CTNNA2: variants seen among roughly 807,000 people sequenced by gnomAD.
CTNNA2 encodes the protein catenin alpha-2.
A neutral mutation model predicts 101.0 loss-of-function variants in CTNNA2; 42 were observed. The observed-to-expected ratio is 0.42, with a 90% CI of 0.32 to 0.54. The LOEUF (loss-of-function observed/expected upper bound fraction) is 0.54, where lower values mean the gene tolerates loss of function less well. Ranked by LOEUF, CTNNA2 falls within the 20% of genes least tolerant of loss-of-function variation. CTNNA2 has a pLI of 0.14. For synonymous variants in CTNNA2, 450 were observed against 456.4 expected (o/e 0.99, Z 0.18); for missense variants, 871 against 1,223.1 (o/e 0.71, Z 4.29).
At chr2:79,450,930 A>G (rs747314386) in intron 4 of CTNNA2, among the ~76,000 whole-genome samples, 16 of 152,142 alleles carry the variant, frequency 1.1e-4, no homozygotes, top group Non-Finnish European at 1.6e-4. Context: ...GTCAAGAACC[A>G]GTTCTGAACA....
intron 4 of CTNNA2, among the ~76,000 whole-genome samples, chr2:79,450,770 A>C (rs565468490): frequency 1.1e-4 from 16 of 152,214 alleles, no homozygotes; most frequent in African/African-American, 3.9e-4. Flanking sequence ...CCAAATATCT[A>C]AAGACCAAAA....
chr2:80,209,255 G>T (rs1378790383), intron 7 of CTNNA2, among the ~76,000 whole-genome samples: 1 of 147,636 alleles, frequency 6.8e-6, no homozygotes, highest in Non-Finnish European at 1.5e-5. Context: ...AGGCTGAACT[G>T]CAGCGGCACG....
chr2:80,371,800 G>A (rs967551176), intron 7 of CTNNA2, among the ~76,000 whole-genome samples: 2 of 152,114 alleles, frequency 1.3e-5, no homozygotes, highest in Admixed American at 6.6e-5. Flanking sequence ...AATTGCCCAG[G>A]ACCTTCTTGG....
intron 1 of CTNNA2, among the ~76,000 whole-genome samples, chr2:79,624,458 G>A (rs1381306863): frequency 2.0e-5 from 3 of 152,130 alleles, no homozygotes; most frequent in Non-Finnish European, 2.9e-5. Flanking sequence ...GTTGATGACA[G>A]AAGCCTGGAG....
chr2:80,007,640 T>C (rs1693465994), intron 7 of CTNNA2, among the ~76,000 whole-genome samples: 1 of 152,212 alleles, frequency 6.6e-6, no homozygotes, highest in Non-Finnish European at 1.5e-5. Context: ...AGCAACCTTC[T>C]CTTTCTATTA....
intron 7 of CTNNA2, among the ~76,000 whole-genome samples, chr2:80,105,478 C>G (rs760054934): frequency 3.3e-5 from 5 of 152,170 alleles, no homozygotes; most frequent in African/African-American, 4.8e-5. Context: ...AATCTCAACA[C>G]TTTGAGAGGC....
intron 7 of CTNNA2, among the ~76,000 whole-genome samples, chr2:79,934,665 G>A (rs1687661041): frequency 6.6e-6 from 1 of 152,178 alleles, no homozygotes; most frequent in African/African-American, 2.4e-5. Flanking sequence ...TGAAAGCTGT[G>A]TCCTTGCTCT....
intron 3 of CTNNA2, among the ~76,000 whole-genome samples, chr2:79,362,250 C>A (rs1333768329): frequency 1.3e-5 from 2 of 152,140 alleles, no homozygotes; most frequent in African/African-American, 4.8e-5. Flanking sequence ...TCCAAATGCA[C>A]TCACAAATAT....
At chr2:79,273,858 G>A (rs572401870) in intron 2 of CTNNA2, among the ~76,000 whole-genome samples, 44 of 151,212 alleles carry the variant, frequency 2.9e-4, no homozygotes, top group African/African-American at 9.7e-4. Flanking sequence ...AGGGCTGACC[G>A]CCCCAGATCT....
At chr2:80,290,888 C>T (rs1009884261) in intron 7 of CTNNA2, among the ~76,000 whole-genome samples, 1 of 152,038 alleles carries the variant, frequency 6.6e-6, no homozygotes, top group African/African-American at 2.4e-5. Flanking sequence ...TAAAACAAGC[C>T]AGCAATGACG....
In CTNNA2 at chr2:80,303,009, T is replaced by G. The variant is rs1676507073; in HGVS notation, c.1057-90202T>G. 1 of 1,613,502 alleles carries G rather than the reference T, an allele frequency of 6.2e-7. No homozygotes were observed. The highest frequency in any genetic ancestry group is 1.7e-5 in the Admixed American group (1 of 59,942). On this transcript the variant is annotated intron_variant, in intron 7 of 18. Coordinates refer to ENST00000402739, the MANE Select transcript of CTNNA2 (RefSeq NM_001282597.3). The surrounding 1 kb of genome is among the most constrained non-coding windows in gnomAD (Gnocchi z 7.7). ...ACGGTCTCGAACACATGGGGCTCCATGTACTCGATCTCGTTGCCCGACAAG... is the reference window on the plus strand; with the variant it reads ...ACGGTCTCGAACACATGGGGCTCCAGGTACTCGATCTCGTTGCCCGACAAG...
chr2:80,552,431 C>G (rs180785258), intron 11 of CTNNA2, among the ~76,000 whole-genome samples: 3 of 152,120 alleles, frequency 2.0e-5, no homozygotes, highest in African/African-American at 7.2e-5. Context: ...CATTCTGAAC[C>G]GTAGTAGCTT....
chr2:80,552,330 G>A (rs917918458), intron 11 of CTNNA2, among the ~76,000 whole-genome samples: 27 of 151,644 alleles, frequency 1.8e-4, no homozygotes, highest in African/African-American at 6.5e-4. Context: ...TATTTGGGGG[G>A]GAAGAAAAAA....
chr2:79,904,428 A>G (rs1009245061), intron 6 of CTNNA2, among the ~76,000 whole-genome samples: 3 of 152,160 alleles, frequency 2.0e-5, no homozygotes, highest in Admixed American at 2.0e-4. Flanking sequence ...ATAATACTTA[A>G]GTATTATATT....
At chr2:79,297,768 A>G (rs1676016149) in intron 2 of CTNNA2, among the ~76,000 whole-genome samples, 1 of 152,066 alleles carries the variant, frequency 6.6e-6, no homozygotes, top group South Asian at 2.1e-4. Flanking sequence ...CTATCTATCT[A>G]ATCTTTTGTC....
At chr2:80,224,984 C>T (rs1169095171) in intron 7 of CTNNA2, among the ~76,000 whole-genome samples, 1 of 152,180 alleles carries the variant, frequency 6.6e-6, no homozygotes, top group Admixed American at 6.5e-5. Context: ...ACTCAGCCTG[C>T]TGCATCCAAA....
intron 15 of CTNNA2, among the ~76,000 whole-genome samples, chr2:80,599,234 T>TA (rs1697251850): frequency 6.6e-6 from 1 of 152,192 alleles, no homozygotes; most frequent in African/African-American, 2.4e-5. Context: ...GTTCTATAAT[T>TA]ACATGTGGCT....
chr2:80,560,710 T>G lies in CTNNA2; in HGVS notation c.1741+4817T>G, dbSNP rs1693507858. Among the ~76,000 whole-genome samples, 4 of 152,152 alleles carry G rather than the reference T, an allele frequency of 2.6e-5. 1 individual carries two copies. In the South Asian group the frequency reaches 8.3e-4, roughly 32 times the overall value. ...CCTGCTTTACATCTGTTTATTGAGA[T>G]TCACCTTTAAAATATAGCTCTAGTC... is the stretch of plus-strand genomic sequence containing the variant. On this transcript the variant is annotated intron_variant, in intron 12 of 18. Coordinates refer to ENST00000402739, the MANE Select transcript of CTNNA2 (RefSeq NM_001282597.3).
chr2:80,331,249 C>A (rs1415305708), intron 7 of CTNNA2, among the ~76,000 whole-genome samples: 1 of 152,168 alleles, frequency 6.6e-6, no homozygotes, highest in Non-Finnish European at 1.5e-5. Context: ...CATGCGGTAC[C>A]ACGCCAGACA....
Sources: allele counts gnomAD v4.1 joint callset (sites outside exome capture counted in the v4.1 genomes callset), GRCh38; gene constraint gnomAD v4.1.1; non-coding constraint Gnocchi (gnomAD v3.1); transcripts MANE v1.5; gene names NCBI Gene and HGNC (gene_info 2026-07-23, HGNC 2026-07-21).